The following SIK2 variants were observed in gnomAD, a reference collection of about 807,000 sequenced individuals.
The protein encoded by SIK2 is serine/threonine-protein kinase SIK2.
SIK2 carries 29 observed loss-of-function variants against 103.2 expected under a neutral mutation model. The observed-to-expected ratio is 0.28, with a 90% CI of 0.21 to 0.38. The LOEUF (loss-of-function observed/expected upper bound fraction) is 0.38. SIK2 is among the 10% of genes least tolerant of loss of function. SIK2 has a pLI of 1.00. For missense variants in SIK2, 879 were observed against 1,171.0 expected, an observed-to-expected ratio of 0.75 and a Z score of 3.64; for synonymous variants, 412 against 446.1, an observed-to-expected ratio of 0.92 and a Z score of 0.96.
intron 1 of SIK2, among the ~76,000 whole-genome samples, chr11:111,609,836 C>T (rs1291987075): frequency 6.6e-6 from 1 of 152,138 alleles, no homozygotes; most frequent in African/African-American, 2.4e-5. Context: ...GTTGTAATTC[C>T]ACCAATGATT....
intron 1 of SIK2, among the ~76,000 whole-genome samples, chr11:111,603,092 C>T (rs1941606244): frequency 1.3e-5 from 2 of 152,110 alleles, no homozygotes; most frequent in Admixed American, 1.3e-4. Context: ...GGGGAAGTCT[C>T]GGTGTTCCCA....
Position 111,722,575 on chromosome 11 carries a change from A to G in SIK2, c.2056-90A>G, listed in dbSNP as rs2135976683. 2 of 1,201,794 alleles carry G rather than the reference A, an allele frequency of 1.7e-6. No individual in the cohort carries two copies. Among genetic ancestry groups the G allele is most frequent in the Non-Finnish European group, 2.4e-6 (2 of 831,616 alleles). 74.4% of individuals were successfully genotyped at this position (1,201,794 alleles called of 1,614,324 possible). On this transcript the variant is annotated intron_variant, in intron 13 of 14. Transcript: ENST00000304987. The surrounding 1 kb of genome is among the most constrained non-coding windows in gnomAD (Gnocchi z 4.4). ...CGTGTGGATTCTGTAGAATGCAGTT[A>G]GATTCATCCTGCAGGCAGAAGCACA...
At chr11:111,716,001 C>T (rs570019937) in intron 9 of SIK2, among the ~76,000 whole-genome samples, 9 of 152,064 alleles carry the variant, frequency 5.9e-5, no homozygotes, top group Non-Finnish European at 8.8e-5. Context: ...GGGGTTTTGC[C>T]ATGTTGGCCA....
intron 3 of SIK2, among the ~76,000 whole-genome samples, chr11:111,686,448 A>G (rs79830601): frequency 8.5e-4 from 129 of 152,354 alleles, no homozygotes; most frequent in Non-Finnish European, 1.5e-3. Flanking sequence ...TCGAAAAACT[A>G]AAGAAAAAAA....
At chr11:111,644,460 G>C (rs114250158) in intron 3 of SIK2, among the ~76,000 whole-genome samples, 2 of 151,938 alleles carry the variant, frequency 1.3e-5, no homozygotes, top group African/African-American at 4.8e-5. Context: ...CCACAGGCAC[G>C]TATCTCGTTT....
intron 2 of SIK2, among the ~76,000 whole-genome samples, chr11:111,616,960 C>A (rs1474715269): frequency 6.6e-6 from 1 of 152,118 alleles, no homozygotes; most frequent in East Asian, 1.9e-4. Flanking sequence ...TATGAAAATA[C>A]AACCACTAAA....
Position 111,644,266 on chromosome 11 carries a change from C to A in SIK2, c.316+23864C>A, listed in dbSNP as rs193066230. Among the ~76,000 whole-genome samples the A allele has an allele frequency of 3.8e-3, 492 of 129,456 alleles. 3 individuals are homozygous for A. The highest frequency in any genetic ancestry group is 0.014 in the African/African-American group (469 of 33,606). 84.9% of individuals were successfully genotyped at this position (129,456 alleles called of 152,430 possible). ...ATCACGCCACTGCACTCCAGCCTGG[C>A]GACAGAGCGAGACTCCATCTCAAAA... On this transcript the variant is annotated intron_variant, in intron 3 of 14. Transcript: ENST00000304987.
intron 3 of SIK2, among the ~76,000 whole-genome samples, chr11:111,635,402 A>AAGGAAGGAAGGAGGGAGGGAGGGGGG (rs1942094434): frequency 7.8e-6 from 1 of 128,400 alleles, no homozygotes; most frequent in African/African-American, 3.6e-5. Context: ...GAAAGGGAGA[A>AAGGAAGGAAGGAGGGAGGGAGGGGGG]AGGAAGGAAG....
intron 3 of SIK2, among the ~76,000 whole-genome samples, chr11:111,668,532 C>T (rs948868526): frequency 2.0e-5 from 3 of 152,162 alleles, no homozygotes; most frequent in African/African-American, 2.4e-5. Flanking sequence ...TGACCAGTCA[C>T]ACTTCATTAT....
chr11:111,661,059 G>T (rs1942461362), intron 3 of SIK2, among the ~76,000 whole-genome samples: 1 of 151,790 alleles, frequency 6.6e-6, no homozygotes, highest in Non-Finnish European at 1.5e-5. Flanking sequence ...ACTTTGCATG[G>T]TATCTTGCTG....
At chr11:111,703,102 T>C (rs1238278243) in intron 6 of SIK2, 101 bp from the exon 7 acceptor site, 12 of 984,614 alleles carry the variant, frequency 1.2e-5, no homozygotes, top group Non-Finnish European at 1.7e-5. Flanking sequence ...CAGTAGAGGA[T>C]ACAAAGATTA....
At chr11:111,663,232 C>CAA (rs34283287) in intron 3 of SIK2, among the ~76,000 whole-genome samples, 1 of 141,654 alleles carries the variant, frequency 7.1e-6, no homozygotes, top group African/African-American at 2.7e-5. Flanking sequence ...GACCCTATTT[C>CAA]AAAAAAAAAA....
At chr11:111,628,903 G>C (rs929970035) in intron 3 of SIK2, among the ~76,000 whole-genome samples, 1 of 152,094 alleles carries the variant, frequency 6.6e-6, no homozygotes, top group Non-Finnish European at 1.5e-5. Context: ...ATAAAGACCA[G>C]TTGTGGGAAA....
Position 111,602,483 on chromosome 11 carries a change from C to T in SIK2, c.-81C>T. 9 of 1,366,646 alleles carry T rather than the reference C, an allele frequency of 6.6e-6. No individual in the cohort carries two copies. Among genetic ancestry groups the T allele is most frequent in the Non-Finnish European group, 7.6e-6 (8 of 1,056,334 alleles). The allele number at this position is 1,366,646 out of a possible 1,614,324, so 84.7% of individuals were successfully genotyped here. A position where few individuals can be genotyped will look rare whatever the true frequency, so the allele number is the denominator to read the frequency against. ...AGGAGCGAAGGAGCAAGCGGAGCGG[C>T]CGTCGCCCAAGCCAAGCCGCGCTGC... On this transcript the variant is annotated 5_prime_UTR_variant, in exon 1 of 15. Coordinates refer to ENST00000304987, the MANE Select transcript of SIK2 (RefSeq NM_015191.3). The surrounding 1 kb of genome is among the most constrained non-coding windows in gnomAD (Gnocchi z 4.5).
At chr11:111,661,480 G>T (rs915114865) in intron 3 of SIK2, among the ~76,000 whole-genome samples, 1 of 152,184 alleles carries the variant, frequency 6.6e-6, no homozygotes, top group African/African-American at 2.4e-5. Flanking sequence ...ATGTTCTACA[G>T]AAGCCAGTCC....
At position 111,722,485 on chromosome 11, in the gene SIK2, G is replaced by A. The variant is rs1343050557; in HGVS notation, c.2056-180G>A. Among the ~76,000 whole-genome samples the A allele has an allele frequency of 1.3e-5, 2 of 152,222 alleles. No individual in the cohort carries two copies. Among genetic ancestry groups the A allele is most frequent in the Non-Finnish European group, 2.9e-5 (2 of 68,046 alleles). ...AAAGGAAGTAGGTGAGGTCAGAGAT[G>A]GCCCAGGCCTGCGGGCCCGATGCTC... On this transcript the variant is annotated intron_variant, in intron 13 of 14. Transcript: ENST00000304987. The surrounding 1 kb of genome is among the most constrained non-coding windows in gnomAD (Gnocchi z 4.4).
chr11:111,703,348 A>C lies in SIK2; in HGVS notation c.873A>C (p.Pro291=). ...VLYPQEQENE[P]SIGEFNEQVL... ...ATCCACAAGAGCAAGAAAATGAGCC[A>C]TCCATCGGGGAGTTTAATGAGCAGG... Residue 291 remains proline (P), a synonymous_variant, in exon 7 of 15, where the codon CCA becomes CCC. Transcript: ENST00000304987. 1.2e-6 allele frequency: 2 copies of C among 1,614,192 alleles called. No homozygotes were observed. Among genetic ancestry groups the C allele is most frequent in the South Asian group, 1.1e-5 (1 of 91,086 alleles).
intron 3 of SIK2, among the ~76,000 whole-genome samples, chr11:111,634,228 A>G (rs749411749): frequency 6.6e-6 from 1 of 152,112 alleles, no homozygotes; most frequent in Non-Finnish European, 1.5e-5. Flanking sequence ...ACATACTAGG[A>G]TGCCAGCTGT....
chr11:111,658,675 A>G (rs1347668179), intron 3 of SIK2, among the ~76,000 whole-genome samples: 3 of 152,226 alleles, frequency 2.0e-5, no homozygotes, highest in Admixed American at 1.3e-4. Flanking sequence ...CCGGTGATCA[A>G]GGATGCAGTG....
Sources: allele counts gnomAD v4.1 joint callset (sites outside exome capture counted in the v4.1 genomes callset), GRCh38; gene constraint gnomAD v4.1.1; non-coding constraint Gnocchi (gnomAD v3.1); transcripts MANE v1.5; gene names NCBI Gene and HGNC (gene_info 2026-07-23, HGNC 2026-07-21).